Variants in ZNF607 observed in about 807,000 individuals in gnomAD.
ZNF607 encodes zinc finger protein 607.
In ZNF607, 5 loss-of-function variants were observed where a neutral mutation model predicts 12.8. The ratio of observed to expected loss-of-function variants is 0.39; its 90% CI spans 0.20 to 0.82. ZNF607 has a LOEUF of 0.82. ZNF607 is among the 40% of genes least tolerant of loss of function. The pLI is 0.39. For missense variants in ZNF607, 851 were observed against 859.2 expected, an observed-to-expected ratio of 0.99 and a Z score of 0.12; for synonymous variants, 287 against 276.2, an observed-to-expected ratio of 1.04 and a Z score of -0.39.
rs766327179 is a variant in ZNF607 at position 37,707,894 on chromosome 19, C to T, written c.235+20G>A. 2 of 1,595,804 alleles carry T rather than the reference C, an allele frequency of 1.3e-6. No homozygotes were observed. The highest frequency in any genetic ancestry group is 2.3e-5 in the South Asian group (2 of 87,954). On this transcript the variant is annotated intron_variant, in intron 4 of 4. Coordinates refer to ENST00000355202, the MANE Select transcript of ZNF607 (RefSeq NM_032689.5). ...CTATTTGCATACAAAAATGGCTGCC[C>T]CTGCCTGACTTGCTCTTACCTGTAC...
In ZNF607 at chr19:37,711,638, T is replaced by C. The variant is rs753430065; in HGVS notation, c.-20A>G. On this transcript the variant is annotated 5_prime_UTR_variant, in exon 2 of 5. Coordinates refer to ENST00000355202, the MANE Select transcript of ZNF607 (RefSeq NM_032689.5). ...GGACATGGTTTGAGACTGGCAAGAG[T>C]TGATCAGTCCTTGGCGTTTCTCTAC... 3.7e-6 allele frequency: 6 copies of C among 1,613,626 alleles called. No individual in the cohort carries two copies. The highest frequency in any genetic ancestry group is 3.3e-5 in the South Asian group (3 of 91,072).
chr19:37,714,311 AAAC>A lies in ZNF607; in HGVS notation c.-74-2622_-74-2620del, dbSNP rs376072397. On this transcript the variant is annotated intron_variant, in intron 1 of 4. Coordinates refer to ENST00000355202, the MANE Select transcript of ZNF607 (RefSeq NM_032689.5). ...CACTCCAGAGCAAGACTCCGTCTCAAAACAACAACAACAACAACAACAACAACA... is the reference window on the plus strand; with the variant it reads ...CACTCCAGAGCAAGACTCCGTCTCAAAACAACAACAACAACAACAACAACA... Among the ~76,000 whole-genome samples the A allele has an allele frequency of 6.6e-3, 917 of 139,618 alleles. 14 individuals are homozygous for A. The highest frequency in any genetic ancestry group is 0.018 in the African/African-American group (688 of 37,586). 91.6% of individuals were successfully genotyped at this position (139,618 alleles called of 152,430 possible).
chr19:37,718,973 A>C (rs1250072229), intron 1 of ZNF607: 2 of 152,234 alleles, frequency 1.3e-5, no homozygotes, highest in Non-Finnish European at 2.9e-5. Flanking sequence ...TGCTTTAACA[A>C]GTGTCACTGA....
Position 37,696,764 on chromosome 19 carries a change from C to A in ZNF607, c.*1276G>T. On this transcript the variant is annotated 3_prime_UTR_variant, in exon 5 of 5. Coordinates refer to ENST00000355202, the MANE Select transcript of ZNF607 (RefSeq NM_032689.5). ...TCCCCTGCAGTGGCCAGTGAGTTGG[C>A]GATCAGCTCAGCTGCCTTGGAGTCA... 1 of 1,319,992 alleles carries A rather than the reference C, an allele frequency of 7.6e-7. No individual in the cohort carries two copies. The highest frequency in any genetic ancestry group is 1.2e-5 in the South Asian group (1 of 82,266). The allele number at this position is 1,319,992 out of a possible 1,614,324, so 81.8% of individuals were successfully genotyped here. A position where few individuals can be genotyped will look rare whatever the true frequency, so the allele number is the denominator to read the frequency against.
In ZNF607 at chr19:37,698,852, C is replaced by T; in HGVS notation, c.1279G>A (p.Gly427Arg). The T allele has an allele frequency of 1.2e-6, 2 of 1,614,084 alleles. No homozygotes were observed. The highest frequency in any genetic ancestry group is 1.7e-6 in the Non-Finnish European group (2 of 1,179,980). ...GEKPYKCKEC[G>R]KAFSQRAHLA... ...TGTGCACGCTGACTGAAGGCCTTCC[C>T]ACATTCCTTACATTTGTAGGGTTTC... Residue 427 changes from glycine to arginine, a missense_variant, in exon 5 of 5, where the codon GGG (glycine) becomes AGG (arginine). Physicochemically the swap from Gly to Arg is moderately radical, Grantham distance 125. Transcript: ENST00000355202.
intron 4 of ZNF607, among the ~76,000 whole-genome samples, chr19:37,705,685 CAA>C (rs978057659): frequency 1.1e-4 from 6 of 52,664 alleles, no homozygotes; most frequent in Admixed American, 4.3e-4. Context: ...ACTCTCTCTC[CAA>C]AAAAAAAAAA....
chr19:37,703,129 T>C (rs1205576811), intron 4 of ZNF607, among the ~76,000 whole-genome samples: 2 of 151,888 alleles, frequency 1.3e-5, no homozygotes, highest in African/African-American at 4.8e-5. Context: ...ATTTTGTATT[T>C]TTAGTAGAGA....
chr19:37,706,909 T>C (rs1343260512), intron 4 of ZNF607, among the ~76,000 whole-genome samples: 20 of 152,046 alleles, frequency 1.3e-4, no homozygotes, highest in Admixed American at 1.3e-3. Context: ...CACTGCAACC[T>C]CTGCCTCCAA....
chr19:37,698,259 C>T lies in ZNF607; in HGVS notation c.1872G>A (p.Lys624=), dbSNP rs2044995552. The change falls in exon 5 of 5, where the codon AAG becomes AAA. Residue 624 remains lysine, a synonymous_variant. Coordinates refer to ENST00000355202, the MANE Select transcript of ZNF607 (RefSeq NM_032689.5). The stretch of plus-strand genomic sequence containing the variant: ...CAAGATATGAGGCACAGTGAAATGC[C>T]TTCCCACATCTTTTACATTCATAGG... The part of the protein sequence containing the change: ...DKPYECKRCG[K]AFHCASYLVR... The T allele has an allele frequency of 6.2e-7, 1 of 1,614,126 alleles. No homozygotes were observed. Among genetic ancestry groups the T allele is most frequent in the African/African-American group, 1.3e-5 (1 of 75,012 alleles).
At position 37,698,621 on chromosome 19, in the gene ZNF607, G is replaced by A; in HGVS notation, c.1510C>T (p.Pro504Ser). ...TTCCCACATTCCTTACATTCATAAG[G>A]TTTCTCACCAGTATGAACTCTGCGA... The part of the protein sequence containing the change: ...IHRRVHTGEK[P>S]YECKECGKAF... The change falls in exon 5 of 5, where the codon CCT becomes TCT. Residue 504 changes from proline (P) to serine (S), a missense_variant. Coordinates refer to ENST00000355202, the MANE Select transcript of ZNF607 (RefSeq NM_032689.5). The A allele has an allele frequency of 6.2e-7, 1 of 1,614,030 alleles. No individual in the cohort carries two copies. Among genetic ancestry groups the A allele is most frequent in the Non-Finnish European group, 8.5e-7 (1 of 1,179,988 alleles).
At chr19:37,706,344 C>T (rs972508750) in intron 4 of ZNF607, 1 of 152,380 alleles carries the variant, frequency 6.6e-6, no homozygotes, top group Non-Finnish European at 1.5e-5. Context: ...AATAGCTGGA[C>T]ATGATGTGTC....
chr19:37,717,806 CAAAAAAAAAAAAA>C (rs57152044), intron 1 of ZNF607, among the ~76,000 whole-genome samples: 3 of 67,096 alleles, frequency 4.5e-5, no homozygotes, highest in African/African-American at 1.9e-4. Context: ...AACTCAGTCT[CAAAAAAAAAAAAA>C]AAAAAAAAAA....
chr19:37,712,188 T>C (rs1397424888), intron 1 of ZNF607, among the ~76,000 whole-genome samples: 1 of 152,230 alleles, frequency 6.6e-6, no homozygotes, highest in African/African-American at 2.4e-5. Flanking sequence ...AGACTATCAC[T>C]GTCCTAGAAT....
chr19:37,702,461 G>A (rs912893300), intron 4 of ZNF607, among the ~76,000 whole-genome samples: 18 of 152,030 alleles, frequency 1.2e-4, no homozygotes, highest in African/African-American at 4.1e-4. Flanking sequence ...TAAATTTGTA[G>A]AATTAAGATG....
rs913018386 is a variant in ZNF607 at position 37,697,518 on chromosome 19, C to T, written c.*522G>A. On this transcript the variant is annotated 3_prime_UTR_variant, in exon 5 of 5. Coordinates refer to ENST00000355202, the MANE Select transcript of ZNF607 (RefSeq NM_032689.5). ...TACTATCATCATTTATATATGATCC[C>T]CAGAAGGGATAAATATCTTCCCCCA... 4 of 566,230 alleles carry T rather than the reference C, an allele frequency of 7.1e-6. No individual in the cohort carries two copies. The highest frequency in any genetic ancestry group is 1.9e-5 in the African/African-American group (1 of 53,552). 35.1% of individuals were successfully genotyped at this position (566,230 alleles called of 1,614,324 possible).
At chr19:37,712,518 CA>C (rs1206066299) in intron 1 of ZNF607, among the ~76,000 whole-genome samples, 1 of 151,908 alleles carries the variant, frequency 6.6e-6, no homozygotes, top group East Asian at 1.9e-4. Flanking sequence ...CTCCAAGAAA[CA>C]AAAAAGTGCT....
At chr19:37,717,585 T>G (rs1190886415) in intron 1 of ZNF607, among the ~76,000 whole-genome samples, 3 of 145,876 alleles carry the variant, frequency 2.1e-5, no homozygotes, top group Non-Finnish European at 4.5e-5. Context: ...CACCTGAGGT[T>G]GGGAGTTCAA....
Position 37,709,560 on chromosome 19 carries a change from AC to A in ZNF607, c.136+135del, listed in dbSNP as rs2045114117. ...CTGCCATTACTGACTCAAAGCTGAA[AC>A]CACCTCAATAGAAATAGAGAAAATA... On this transcript the variant is annotated intron_variant, in intron 3 of 4. Coordinates refer to ENST00000355202, the MANE Select transcript of ZNF607 (RefSeq NM_032689.5). The A allele has an allele frequency of 1.2e-5, 12 of 991,918 alleles. No individual in the cohort carries two copies. In the East Asian group the frequency reaches 3.3e-4, roughly 27 times the overall value. 61.4% of individuals were successfully genotyped at this position (991,918 alleles called of 1,614,324 possible).
chr19:37,714,563 C>CAAA (rs56081124), intron 1 of ZNF607, among the ~76,000 whole-genome samples: 3 of 108,252 alleles, frequency 2.8e-5, no homozygotes, highest in Non-Finnish European at 3.6e-5. Flanking sequence ...GACCCCATCT[C>CAAA]AAAAAAAAAA....
Sources: gnomAD v4.1 joint callset for allele counts (sites outside exome capture counted in the v4.1 genomes callset) on GRCh38, gnomAD v4.1.1 for gene constraint, MANE v1.5 for transcripts, NCBI Gene and HGNC (gene_info 2026-07-23, HGNC 2026-07-21) for gene names.